Variants in FAM13C observed in about 807,000 individuals in gnomAD.
FAM13C encodes protein FAM13C.
In FAM13C, 37 loss-of-function variants were observed where a neutral mutation model predicts 73.2. The observed-to-expected ratio is 0.51, with a 90% CI of 0.39 to 0.67. The LOEUF is 0.67. Ranked by LOEUF, FAM13C falls within the 30% of genes least tolerant of loss-of-function variation. The pLI is 0.00. For missense variants in FAM13C, 589 were observed against 715.6 expected (o/e 0.82, Z 2.02); for synonymous variants, 246 against 260.9 (o/e 0.94, Z 0.55).
intron 10 of FAM13C, among the ~76,000 whole-genome samples, chr10:59,258,720 AAAG>A (rs1476145279): frequency 7.2e-5 from 11 of 152,312 alleles, no homozygotes; most frequent in African/African-American, 7.2e-5. Flanking sequence ...TCTTTAAAAA[AAAG>A]AAGGATAAAT....
At chr10:59,279,810 C>T (rs939675051) in intron 6 of FAM13C, among the ~76,000 whole-genome samples, 1 of 152,168 alleles carries the variant, frequency 6.6e-6, no homozygotes, top group Non-Finnish European at 1.5e-5. Context: ...TTAGTCAGTT[C>T]TGGCTGCTAT....
At chr10:59,287,056 G>T (rs1400664926) in intron 5 of FAM13C, among the ~76,000 whole-genome samples, 1 of 138,088 alleles carries the variant, frequency 7.2e-6, no homozygotes, top group East Asian at 2.1e-4. Context: ...AAAAAAAAAG[G>T]CCAGGTGTGG....
Position 59,295,412 on chromosome 10 carries a change from G to C in FAM13C, c.507+7389C>G, listed in dbSNP as rs942909971. Among the ~76,000 whole-genome samples, 8 of 152,278 alleles carry C rather than the reference G, an allele frequency of 5.3e-5. No homozygotes were observed. The East Asian group carries it at 1.4e-3, about 26-fold the overall frequency. On this transcript the variant is annotated intron_variant, in intron 5 of 13. Transcript: ENST00000618804. ...GGCTCCAAGATAAAGGGTGAGGAGG[G>C]GGAGTGTGACAGCCTCTAGAAGCTG...
intron 5 of FAM13C, among the ~76,000 whole-genome samples, chr10:59,302,544 G>A (rs1847723387): frequency 6.6e-6 from 1 of 152,192 alleles, no homozygotes; most frequent in Non-Finnish European, 1.5e-5. Flanking sequence ...AAGCTGAAAA[G>A]AGTGTAACAA....
Position 59,352,263 on chromosome 10 carries a change from C to G in FAM13C, c.324+7G>C. ...TTGGCAAAAGCCTGAGAAGAGAGAG[C>G]TGCTACCTGACTTTCTCCGTGGCTC... On this transcript the variant is annotated splice_region_variant and intron_variant, in intron 3 of 13. Transcript: ENST00000618804. The G allele has an allele frequency of 6.2e-7, 1 of 1,613,338 alleles. No homozygotes were observed. The highest frequency in any genetic ancestry group is 8.5e-7 in the Non-Finnish European group (1 of 1,179,894).
rs149458856 is a variant in FAM13C, at chr10:59,251,653, C to T, written c.1556G>A (p.Arg519Gln). Residue 519 changes from arginine to glutamine, a missense_variant, in exon 13 of 14, where the codon CGA becomes CAA. Physicochemically the swap from Arg to Gln is conservative, Grantham distance 43. Coordinates refer to ENST00000618804, the MANE Select transcript of FAM13C (RefSeq NM_198215.4). ...ATMPVLLDHL[R>Q]ETRADKKRLR... ...TCTCTTCTTGTCAGCCCTAGTTTCT[C>T]GGAGATGGTCAAGAAGTACAGGCCT... 24 of 1,611,200 alleles carry T rather than the reference C, an allele frequency of 1.5e-5. No individual in the cohort carries two copies. The highest frequency in any genetic ancestry group is 6.6e-5 in the South Asian group (6 of 90,664).
At chr10:59,299,861 GT>G (rs1305104999) in intron 5 of FAM13C, among the ~76,000 whole-genome samples, 1 of 151,848 alleles carries the variant, frequency 6.6e-6, no homozygotes, top group East Asian at 1.9e-4. Flanking sequence ...GATTTAATCA[GT>G]TTTTTTCTGG....
At chr10:59,323,933 AT>A in intron 4 of FAM13C, 54 bp downstream of exon 4, 1 of 1,271,840 alleles carries the variant, frequency 7.9e-7, no homozygotes, top group Non-Finnish European at 1.1e-6. Context: ...AGCACACAGC[AT>A]TTCTGAGAAA....
At chr10:59,296,142 C>A (rs1454755799) in intron 5 of FAM13C, among the ~76,000 whole-genome samples, 4 of 152,262 alleles carry the variant, frequency 2.6e-5, no homozygotes, top group Middle Eastern at 3.4e-3. Flanking sequence ...ACCATTTTCA[C>A]AAAATTAACA....
chr10:59,283,643 A>C, intron 5 of FAM13C, 196 bp from the exon 6 acceptor site: 1 of 641,670 alleles, frequency 1.6e-6, no homozygotes, highest in East Asian at 2.7e-5. Flanking sequence ...CTTCAGGGAA[A>C]GAACTGGTTG....
intron 10 of FAM13C, among the ~76,000 whole-genome samples, chr10:59,257,508 G>T (rs1050177889): frequency 4.6e-5 from 7 of 152,170 alleles, no homozygotes; most frequent in African/African-American, 1.7e-4. Flanking sequence ...CCCCATAAAT[G>T]AGATGTCTCT....
intron 6 of FAM13C, among the ~76,000 whole-genome samples, chr10:59,275,394 G>A (rs749967187): frequency 5.9e-5 from 9 of 152,124 alleles, no homozygotes. Flanking sequence ...CCAAGCCCTG[G>A]GCCTGGGAGG....
chr10:59,287,928 C>T (rs1264452844), intron 5 of FAM13C, among the ~76,000 whole-genome samples: 1 of 152,204 alleles, frequency 6.6e-6, no homozygotes, highest in East Asian at 1.9e-4. Context: ...CTTATTTCTG[C>T]ACCTGCCTAG....
intron 4 of FAM13C, among the ~76,000 whole-genome samples, chr10:59,303,240 C>A (rs1021192136): frequency 6.6e-6 from 1 of 152,156 alleles, no homozygotes; most frequent in Non-Finnish European, 1.5e-5. Flanking sequence ...ATGTATGCAT[C>A]GGCTCAGCTC....
chr10:59,297,050 C>T, intron 5 of FAM13C: 1 of 152,186 alleles, frequency 6.6e-6, no homozygotes, highest in South Asian at 2.1e-4. Flanking sequence ...TCACTCTAAC[C>T]CATTTATGCC....
chr10:59,362,271 C>T (rs924538160), intron 1 of FAM13C, 128 bp downstream of exon 1: 5 of 1,331,994 alleles, frequency 3.8e-6, no homozygotes, highest in Non-Finnish European at 5.2e-6. Flanking sequence ...ACGGTCTTCA[C>T]AGCCCCAGAT....
chr10:59,352,247 G>C (rs770969834), intron 3 of FAM13C, 23 bp downstream of exon 3: 2 of 1,612,254 alleles, frequency 1.2e-6, no homozygotes, highest in African/African-American at 2.7e-5. Flanking sequence ...CTTGGCAAAA[G>C]CCTGAGAAGA....
chr10:59,308,435 CCAT>C (rs759370695), intron 4 of FAM13C, among the ~76,000 whole-genome samples: 15 of 151,756 alleles, frequency 9.9e-5, no homozygotes, highest in African/African-American at 2.4e-4. Context: ...TCCACAATCA[CCAT>C]CATCACCATC....
At chr10:59,289,121 C>T (rs1019643964) in intron 5 of FAM13C, among the ~76,000 whole-genome samples, 5 of 152,184 alleles carry the variant, frequency 3.3e-5, no homozygotes, top group Non-Finnish European at 7.3e-5. Context: ...GATCATGAGG[C>T]ATTAGATCCT....
Sources: gnomAD v4.1 joint callset for allele counts (sites outside exome capture counted in the v4.1 genomes callset) on GRCh38, gnomAD v4.1.1 for gene constraint, MANE v1.5 for transcripts, NCBI Gene and HGNC (gene_info 2026-07-23, HGNC 2026-07-21) for gene names.